SLC2A9: variants seen among roughly 807,000 people sequenced by gnomAD.
The protein encoded by SLC2A9 is solute carrier family 2 member 9.
A neutral mutation model predicts 50.6 loss-of-function variants in SLC2A9; 39 were observed. The ratio of observed to expected loss-of-function variants is 0.77; its 90% CI spans 0.60 to 1.01. The LOEUF (loss-of-function observed/expected upper bound fraction) is 1.01. Among genes scored for constraint, SLC2A9 ranks in the 50% least tolerant of loss-of-function variants. The probability of loss-of-function intolerance (pLI) is 0.00; values close to 1 mark genes in which losing one functional copy is unlikely to be tolerated. For synonymous variants in SLC2A9, 324 were observed against 276.9 expected, an observed-to-expected ratio of 1.17 and a Z score of -1.69; for missense variants, 686 against 677.6, an observed-to-expected ratio of 1.01 and a Z score of -0.14.
At position 9,841,805 on chromosome 4, in the gene SLC2A9, T is replaced by C. The variant is rs1039611995; in HGVS notation, c.1292-6797A>G. Among the ~76,000 whole-genome samples the C allele has an allele frequency of 3.3e-5, 5 of 152,272 alleles. No individual in the cohort carries two copies. In the East Asian group the frequency reaches 7.7e-4, roughly 23 times the overall value. On this transcript the variant is annotated intron_variant, in intron 10 of 11. Coordinates refer to ENST00000264784, the MANE Select transcript of SLC2A9 (RefSeq NM_020041.3). The stretch of plus-strand genomic sequence containing the variant: ...TAACTGGTTTCCTCAAATTAGGACA[T>C]AGTCTTAGGAAGTGGCAATCCCCAG...
At chr4:10,019,203 G>A (rs1013974602) in intron 1 of SLC2A9, 130 bp from the exon 2 acceptor site, 1 of 766,602 alleles carries the variant, frequency 1.3e-6, no homozygotes, top group Non-Finnish European at 2.2e-6. Context: ...CTGGGGTAGA[G>A]ACAGAGAGAA....
At chr4:9,915,484 C>T (rs535875024) in intron 7 of SLC2A9, among the ~76,000 whole-genome samples, 21 of 152,330 alleles carry the variant, frequency 1.4e-4, no homozygotes, top group South Asian at 1.2e-3. Context: ...GATCTGCCCA[C>T]CCCAGGCTCC....
At chr4:9,915,034 A>G (rs1742590452) in intron 7 of SLC2A9, among the ~76,000 whole-genome samples, 1 of 152,180 alleles carries the variant, frequency 6.6e-6, no homozygotes, top group Non-Finnish European at 1.5e-5. Flanking sequence ...AATGAATGAT[A>G]CCACCTTTCT....
At position 9,844,851 on chromosome 4, in the gene SLC2A9, G is replaced by C. The variant is rs190567713; in HGVS notation, c.1292-9843C>G. ...ATAACAATAGTTCCTACTTAGTTTT[G>C]TTTTATGCATTAAATGAGACTGTGC... On this transcript the variant is annotated intron_variant, in intron 10 of 11. Coordinates refer to ENST00000264784, the MANE Select transcript of SLC2A9 (RefSeq NM_020041.3). Among the ~76,000 whole-genome samples, 740 of 152,284 alleles carry C rather than the reference G, an allele frequency of 4.9e-3. 6 individuals carry two copies. The highest frequency in any genetic ancestry group is 8.4e-3 in the Non-Finnish European group (573 of 68,012).
chr4:9,956,757 C>T (rs571847884), intron 5 of SLC2A9, among the ~76,000 whole-genome samples: 5 of 113,358 alleles, frequency 4.4e-5, no homozygotes, highest in South Asian at 4.7e-4. Flanking sequence ...TATTGGGTAC[C>T]GAAAAATTTT....
At chr4:9,923,351 A>T (rs1415082490) in intron 6 of SLC2A9, among the ~76,000 whole-genome samples, 1 of 152,246 alleles carries the variant, frequency 6.6e-6, no homozygotes, top group East Asian at 1.9e-4. Flanking sequence ...TCCACTTGTT[A>T]TATAACCTGT....
intron 3 of SLC2A9, among the ~76,000 whole-genome samples, chr4:9,805,886 A>C (rs1004024279): frequency 6.6e-6 from 1 of 152,156 alleles, no homozygotes; most frequent in Non-Finnish European, 1.5e-5. Flanking sequence ...TAATTCTAGA[A>C]GTAGTTCTTA....
intron 8 of SLC2A9, among the ~76,000 whole-genome samples, chr4:9,893,011 GCA>G (rs1209820659): frequency 1.3e-5 from 2 of 152,040 alleles, no homozygotes; most frequent in Non-Finnish European, 2.9e-5. Context: ...AAGAACAGAG[GCA>G]CAGAGTCTTT....
intron 5 of SLC2A9, among the ~76,000 whole-genome samples, chr4:9,962,805 C>G (rs1178256223): frequency 6.6e-6 from 1 of 152,100 alleles, no homozygotes; most frequent in African/African-American, 2.4e-5. Flanking sequence ...GAGTGTGGCC[C>G]CAGCTGACCA....
chr4:9,819,698 C>A (rs553771070), intron 3 of SLC2A9, among the ~76,000 whole-genome samples: 1 of 152,242 alleles, frequency 6.6e-6, no homozygotes, highest in Non-Finnish European at 1.5e-5. Flanking sequence ...CTTTGGGAGG[C>A]CAAGGCGTGC....
intron 10 of SLC2A9, among the ~76,000 whole-genome samples, chr4:9,882,311 A>G (rs1016095302): frequency 3.3e-5 from 5 of 152,152 alleles, no homozygotes; most frequent in African/African-American, 1.2e-4. Flanking sequence ...TAACCTTGCA[A>G]GTAAATTTCA....
At chr4:9,861,165 G>A (rs1577577068) in intron 10 of SLC2A9, among the ~76,000 whole-genome samples, 1 of 152,130 alleles carries the variant, frequency 6.6e-6, no homozygotes, top group South Asian at 2.1e-4. Context: ...GGTTGTACAG[G>A]AAGCATGATG....
At chr4:9,843,635 T>C (rs1223583349) in intron 10 of SLC2A9, among the ~76,000 whole-genome samples, 1 of 152,210 alleles carries the variant, frequency 6.6e-6, no homozygotes, top group African/African-American at 2.4e-5. Context: ...TGGCTCGACT[T>C]TCCTCCTCTG....
intron 3 of SLC2A9, among the ~76,000 whole-genome samples, chr4:9,811,704 G>A (rs1722914912): frequency 6.6e-6 from 1 of 152,178 alleles, no homozygotes; most frequent in Admixed American, 6.5e-5. Flanking sequence ...GAATTGTAAG[G>A]AAAGAAAAGG....
At chr4:9,922,774 A>G (rs1470830937) in intron 6 of SLC2A9, 1 of 152,166 alleles carries the variant, frequency 6.6e-6, no homozygotes, top group African/African-American at 2.4e-5. Context: ...TCCATGTGTT[A>G]TTCTCCATTG....
intron 2 of SLC2A9, among the ~76,000 whole-genome samples, chr4:10,002,393 T>TA (rs1213965641): frequency 4.6e-5 from 7 of 152,216 alleles, no homozygotes; most frequent in African/African-American, 1.4e-4. Context: ...GCCTGAGAGT[T>TA]ATATAACCTG....
chr4:9,786,805 A>T (rs1162011862), intron 3 of SLC2A9, among the ~76,000 whole-genome samples: 1 of 152,190 alleles, frequency 6.6e-6, no homozygotes, highest in Non-Finnish European at 1.5e-5. Context: ...GCACCCCCAC[A>T]GATATTTGGC....
chr4:10,029,819 A>G (rs1763880323), intron 1 of SLC2A9, among the ~76,000 whole-genome samples: 1 of 151,598 alleles, frequency 6.6e-6, no homozygotes, highest in Non-Finnish European at 1.5e-5. Flanking sequence ...TTTTTTTAGT[A>G]GAGATGGGGT....
chr4:9,805,352 C>T (rs1003079762), intron 3 of SLC2A9, among the ~76,000 whole-genome samples: 4 of 152,184 alleles, frequency 2.6e-5, no homozygotes, highest in African/African-American at 9.7e-5. Flanking sequence ...ACATCATGCC[C>T]ATCTGTGTTT....
Sources: gnomAD v4.1 joint callset for allele counts (sites outside exome capture counted in the v4.1 genomes callset) on GRCh38, gnomAD v4.1.1 for gene constraint, MANE v1.5 for transcripts, NCBI Gene and HGNC (gene_info 2026-07-23, HGNC 2026-07-21) for gene names.